RAI14: variants seen among roughly 807,000 people sequenced by gnomAD.
RAI14 encodes ankycorbin.
RAI14 carries 45 observed loss-of-function variants against 115.4 expected under a neutral mutation model. The observed-to-expected ratio is 0.39, with a 90% CI of 0.31 to 0.50. The LOEUF is 0.50. Among genes scored for constraint, RAI14 ranks in the 20% least tolerant of loss-of-function variants. RAI14 has a pLI of 0.85. For missense variants in RAI14, 939 were observed against 1,131.2 expected (o/e 0.83, Z 2.44); for synonymous variants, 371 against 415.4 (o/e 0.89, Z 1.30).
chr5:34,699,672 G>A (rs932556568), intron 2 of RAI14, among the ~76,000 whole-genome samples: 1 of 152,138 alleles, frequency 6.6e-6, no homozygotes, highest in African/African-American at 2.4e-5. Context: ...GGGGAAACAC[G>A]ATTCAGCCAT....
chr5:34,783,347 C>CG (rs1751899288), intron 3 of RAI14, among the ~76,000 whole-genome samples: 1 of 152,092 alleles, frequency 6.6e-6, no homozygotes, highest in Non-Finnish European at 1.5e-5. Context: ...TGGCTGCAAC[C>CG]GGGGGGTCCT....
At chr5:34,776,608 C>T (rs1580218954) in intron 3 of RAI14, among the ~76,000 whole-genome samples, 4 of 152,040 alleles carry the variant, frequency 2.6e-5, no homozygotes, top group Admixed American at 2.6e-4. Flanking sequence ...GAGTTCAAGG[C>T]CAGCCTGGGC....
intron 2 of RAI14, among the ~76,000 whole-genome samples, chr5:34,705,035 G>A (rs951259342): frequency 1.3e-5 from 2 of 152,046 alleles, no homozygotes; most frequent in African/African-American, 4.8e-5. Flanking sequence ...CCCAAGCAAT[G>A]CTCCCACCTC....
intron 1 of RAI14, among the ~76,000 whole-genome samples, chr5:34,673,607 G>T (rs533998671): frequency 6.6e-6 from 1 of 152,168 alleles, no homozygotes; most frequent in Non-Finnish European, 1.5e-5. Context: ...TTTGGTGCCC[G>T]AGGGCAAGTG....
In RAI14 at chr5:34,738,147, G is replaced by T. The variant is rs938337017; in HGVS notation, c.37-19321G>T. ...GTATTCAAATATTTTAGTCCAGGCC[G>T]ACCACAGTGGCTCATGTCTGAACCC... is the stretch of plus-strand genomic sequence containing the variant. On this transcript the variant is annotated intron_variant, in intron 2 of 17. Coordinates refer to ENST00000265109, the MANE Select transcript of RAI14 (RefSeq NM_015577.3). 2.6e-5 allele frequency among the ~76,000 whole-genome samples: 4 copies of T among 152,014 alleles called. No individual in the cohort carries two copies. The East Asian group carries it at 7.7e-4, about 29-fold the overall frequency.
chr5:34,727,606 TC>T (rs1395305747), intron 2 of RAI14, among the ~76,000 whole-genome samples: 1 of 152,076 alleles, frequency 6.6e-6, no homozygotes, highest in Non-Finnish European at 1.5e-5. Context: ...GGACTTGGTG[TC>T]CTGCATACCA....
At chr5:34,708,201 G>GTTTTTT (rs146605112) in intron 2 of RAI14, among the ~76,000 whole-genome samples, 1 of 147,312 alleles carries the variant, frequency 6.8e-6, no homozygotes. Flanking sequence ...GGAACTTTGG[G>GTTTTTT]TTTTTGTTTT....
chr5:34,659,117 T>C (rs913539072), intron 1 of RAI14: 2 of 152,238 alleles, frequency 1.3e-5, no homozygotes, highest in African/African-American at 4.8e-5. Flanking sequence ...TAATTCTACC[T>C]ATGTATAGCT....
chr5:34,752,745 G>GTATATA (rs1373860856), intron 2 of RAI14, among the ~76,000 whole-genome samples: 55 of 105,258 alleles, frequency 5.2e-4, no homozygotes, highest in African/African-American at 2.0e-3. Context: ...GTGTGTGTGT[G>GTATATA]TGTGTATATA....
intron 1 of RAI14, chr5:34,686,347 T>TTGGGGGGG (rs1744870239): frequency 2.6e-5 from 1 of 37,788 alleles, no homozygotes; most frequent in Non-Finnish European, 5.3e-5. Flanking sequence ...GATGTGGGAG[T>TTGGGGGGG]GGGGGGTTGG....
intron 1 of RAI14, among the ~76,000 whole-genome samples, chr5:34,676,175 C>T (rs256294): frequency 0.63 from 95,472 of 152,032 alleles, 30,443 homozygotes; most frequent in South Asian, 0.82. Context: ...CTTGATGGGC[C>T]CTTTTGGGTT....
intron 2 of RAI14, among the ~76,000 whole-genome samples, chr5:34,749,236 G>A (rs1234035931): frequency 2.0e-5 from 3 of 152,226 alleles, no homozygotes; most frequent in Non-Finnish European, 4.4e-5. Flanking sequence ...GATTCCTCCA[G>A]ATGGCTGCCC....
intron 2 of RAI14, among the ~76,000 whole-genome samples, chr5:34,709,380 GGAGGTTGCAGT>G (rs1292561277): frequency 6.6e-6 from 1 of 152,070 alleles, no homozygotes; most frequent in African/African-American, 2.4e-5. Context: ...CCTGGACGAC[GGAGGTTGCAGT>G]GAGCTGAGAT....
intron 2 of RAI14, among the ~76,000 whole-genome samples, chr5:34,694,623 T>G (rs1289219886): frequency 6.6e-6 from 1 of 152,202 alleles, no homozygotes; most frequent in Non-Finnish European, 1.5e-5. Context: ...CATTTTTATT[T>G]TCTTAGGAGG....
intron 2 of RAI14, among the ~76,000 whole-genome samples, chr5:34,706,671 G>A (rs1740730202): frequency 6.6e-6 from 1 of 152,148 alleles, no homozygotes; most frequent in Non-Finnish European, 1.5e-5. Flanking sequence ...TTCCTGATCT[G>A]TATAGTTTAT....
intron 2 of RAI14, among the ~76,000 whole-genome samples, chr5:34,756,155 G>T (rs1262126384): frequency 2.0e-5 from 3 of 152,194 alleles, no homozygotes; most frequent in African/African-American, 7.2e-5. Context: ...TATGGGCTAG[G>T]GTTGGGAGGG....
intron 1 of RAI14, among the ~76,000 whole-genome samples, chr5:34,664,846 T>G (rs1380197585): frequency 6.6e-6 from 1 of 150,830 alleles, no homozygotes; most frequent in Non-Finnish European, 1.5e-5. Flanking sequence ...ATAGCTTAGC[T>G]CCTACTTATG....
intron 4 of RAI14, among the ~76,000 whole-genome samples, chr5:34,800,320 T>C (rs1038050616): frequency 6.6e-6 from 1 of 152,196 alleles, no homozygotes; most frequent in Admixed American, 6.5e-5. Flanking sequence ...GACTCTTAAT[T>C]TATAAATATC....
intron 2 of RAI14, among the ~76,000 whole-genome samples, chr5:34,700,327 C>T (rs1739907582): frequency 6.6e-6 from 1 of 152,036 alleles, no homozygotes; most frequent in South Asian, 2.1e-4. Flanking sequence ...TGAGTTAAGT[C>T]CAGCAGTCAT....
Sources: allele counts gnomAD v4.1 joint callset (sites outside exome capture counted in the v4.1 genomes callset), GRCh38; gene constraint gnomAD v4.1.1; transcripts MANE v1.5; gene names NCBI Gene and HGNC (gene_info 2026-07-23, HGNC 2026-07-21).